HPGD: variants seen among roughly 807,000 people sequenced by gnomAD.
The protein encoded by HPGD is 15-hydroxyprostaglandin dehydrogenase.
In HPGD, 29 loss-of-function variants were observed where a neutral mutation model predicts 30.0. The ratio of observed to expected loss-of-function variants is 0.97; its 90% CI spans 0.72 to 1.32. The LOEUF (loss-of-function observed/expected upper bound fraction) is 1.32. Ranked by LOEUF, HPGD falls within the 40% of genes most tolerant of loss-of-function variation. The pLI, the probability that HPGD is intolerant of heterozygous loss-of-function variation, is 0.00. For synonymous variants in HPGD, 99 were observed against 112.4 expected, an observed-to-expected ratio of 0.88 and a Z score of 0.75; for missense variants, 340 against 322.1, an observed-to-expected ratio of 1.06 and a Z score of -0.43.
In HPGD at chr4:174,493,225, T is replaced by C. The variant is rs1734427642; in HGVS notation, c.588A>G (p.Lys196=). The C allele has an allele frequency of 3.1e-6, 5 of 1,611,818 alleles. No individual in the cohort carries two copies. The highest frequency in any genetic ancestry group is 4.2e-6 in the Non-Finnish European group (5 of 1,178,258). The change falls in exon 6 of 7, where the codon AAA becomes AAG. Residue 196 remains lysine (K), a synonymous_variant. Coordinates refer to ENST00000296522, the MANE Select transcript of HPGD (RefSeq NM_000860.6). ...VNTAILESIE[K]EENMGQYIEY... Reference sequence around the variant, plus strand: ...CTATATATTGTCCCATGTTTTCTTCTTTTTCAATTGATTCAAGGATGGCTG... The same window carrying C: ...CTATATATTGTCCCATGTTTTCTTCCTTTTCAATTGATTCAAGGATGGCTG...
Position 174,492,214 on chromosome 4 carries a change from A to T in HPGD, c.663-120T>A. 1.1e-6 allele frequency: 1 copy of T among 882,888 alleles called. No individual in the cohort carries two copies. The highest frequency in any genetic ancestry group is 1.8e-6 in the Non-Finnish European group (1 of 544,006). 54.7% of individuals were successfully genotyped at this position (882,888 alleles called of 1,614,324 possible). On this transcript the variant is annotated intron_variant, in intron 6 of 6. Transcript: ENST00000296522. This position sits in a 1 kb window ranked among gnomAD's most constrained non-coding sequence, Gnocchi z 4.9. ...ATGTTATAGGGAAATGTGTGTCATT[A>T]AACTATTGCTACTTCCAATTTTTAT...
At position 174,492,454 on chromosome 4, in the gene HPGD, G is replaced by A. The variant is rs370533094; in HGVS notation, c.663-360C>T. On this transcript the variant is annotated intron_variant, in intron 6 of 6. Transcript: ENST00000296522. The surrounding 1 kb of genome is among the most constrained non-coding windows in gnomAD (Gnocchi z 4.9). ...GTAGATCTTAGACTTACCAGATATA[G>A]ATGTTATTAGTGTAGAAATATGATT... 1.1e-4 allele frequency among the ~76,000 whole-genome samples: 17 copies of A among 152,130 alleles called. No individual in the cohort carries two copies. The highest frequency in any genetic ancestry group is 4.1e-4 in the African/African-American group (17 of 41,556).
In HPGD at chr4:174,497,826, T is replaced by A. The variant is rs1198647619; in HGVS notation, c.422-2202A>T. 2.0e-5 allele frequency among the ~76,000 whole-genome samples: 3 copies of A among 152,096 alleles called. No individual in the cohort carries two copies. The East Asian group carries it at 5.8e-4, about 29-fold the overall frequency. On this transcript the variant is annotated intron_variant, in intron 4 of 6. Transcript: ENST00000296522. ...TTCCTGACCTCATGATCCACCTGCC[T>A]TGGCCTCCCAAAGTGCTGGGATTAC... is the stretch of plus-strand genomic sequence containing the variant.
intron 4 of HPGD, among the ~76,000 whole-genome samples, chr4:174,499,299 G>A (rs1476826663): frequency 6.6e-6 from 1 of 152,084 alleles, no homozygotes; most frequent in African/African-American, 2.4e-5. Flanking sequence ...CTGAGCAAAA[G>A]GACAGAATAA....
intron 3 of HPGD, among the ~76,000 whole-genome samples, chr4:174,514,215 A>T (rs1185328618): frequency 6.6e-6 from 1 of 152,166 alleles, no homozygotes; most frequent in Non-Finnish European, 1.5e-5. Context: ...ATTCACAGAC[A>T]GAATATCTCA....
chr4:174,502,591 T>C (rs1422891193), intron 4 of HPGD, among the ~76,000 whole-genome samples: 2 of 144,948 alleles, frequency 1.4e-5, no homozygotes, highest in African/African-American at 2.6e-5. Flanking sequence ...GGCAGGAGAA[T>C]GGCGTGAACC....
At position 174,522,070 on chromosome 4, in the gene HPGD, A is replaced by G; in HGVS notation, c.94-3T>C. 3 of 1,614,192 alleles carry G rather than the reference A, an allele frequency of 1.9e-6. No homozygotes were observed. In the South Asian group the frequency reaches 3.3e-5, roughly 18 times the overall value. ...AGATTCCAATCCACCAGCGCTACCT[A>G]TAGACAAGAGGAGAGGAATCGCGGG... On this transcript the variant is annotated splice_polypyrimidine_tract_variant and splice_region_variant and intron_variant, in intron 1 of 6. Coordinates refer to ENST00000296522, the MANE Select transcript of HPGD (RefSeq NM_000860.6).
At chr4:174,507,129 C>T (rs1735230049) in intron 4 of HPGD, 1 of 152,100 alleles carries the variant, frequency 6.6e-6, no homozygotes, top group African/African-American at 2.4e-5. Flanking sequence ...GGGTTTCAGT[C>T]TCCCACAGCT....
rs1734507729 is a variant in HPGD at position 174,494,852 on chromosome 4, C to T, written c.498+696G>A. The stretch of plus-strand genomic sequence containing the variant: ...TTATCACTCCTGCGTGTAAAAGCCC[C>T]ATGGATGGTTGCCCTTGAAATAAAA... On this transcript the variant is annotated intron_variant, in intron 5 of 6. Transcript: ENST00000296522. The surrounding 1 kb of genome is among the most constrained non-coding windows in gnomAD (Gnocchi z 4.9). Among the ~76,000 whole-genome samples the T allele has an allele frequency of 6.6e-6, 1 of 152,102 alleles. No individual in the cohort carries two copies. The highest frequency in any genetic ancestry group is 2.1e-4 in the South Asian group (1 of 4,830).
Position 174,491,978 on chromosome 4 carries a change from G to A in HPGD, c.779C>T (p.Pro260Leu), listed in dbSNP as rs745369724. 1.2e-6 allele frequency: 2 copies of A among 1,612,116 alleles called. No homozygotes were observed. Among genetic ancestry groups the A allele is most frequent in the East Asian group, 2.2e-5 (1 of 44,696 alleles). Residue 260 changes from proline (P) to leucine (L), a missense_variant, in exon 7 of 7, where the codon CCA (proline) becomes CTA (leucine). Physicochemically the swap from Pro to Leu is moderately conservative, Grantham distance 98. Transcript: ENST00000296522. ...GIHFQDYDTT[P>L]FQAKTQ is the part of the protein sequence containing the mutation. ...TGTTCATTGGGTTTTTGCTTGAAAT[G>A]GAGTTGTATCATAGTCTTGAAAATG...
chr4:174,508,486 A>G (rs1453568411), intron 4 of HPGD, among the ~76,000 whole-genome samples: 1 of 152,172 alleles, frequency 6.6e-6, no homozygotes, highest in Non-Finnish European at 1.5e-5. Flanking sequence ...CTGCAGTAAG[A>G]TAACTTTAAA....
chr4:174,498,940 G>C (rs1465396680), intron 4 of HPGD, among the ~76,000 whole-genome samples: 2 of 152,110 alleles, frequency 1.3e-5, no homozygotes, highest in East Asian at 3.9e-4. Flanking sequence ...TTAGTTGGGG[G>C]TGGACATTTT....
chr4:174,521,808 G>A, intron 2 of HPGD, 136 bp downstream of exon 2: 1 of 997,078 alleles, frequency 1.0e-6, no homozygotes. Context: ...AGTCCAAACT[G>A]TCTTTTGGAG....
At chr4:174,506,446 T>C (rs1353788847) in intron 4 of HPGD, among the ~76,000 whole-genome samples, 1 of 152,152 alleles carries the variant, frequency 6.6e-6, no homozygotes. Context: ...AATGCATAGA[T>C]ATTAGAGATA....
At chr4:174,514,390 T>C (rs2110857321) in intron 3 of HPGD, among the ~76,000 whole-genome samples, 1 of 152,230 alleles carries the variant, frequency 6.6e-6, no homozygotes, top group Admixed American at 6.5e-5. Flanking sequence ...TCAAATATAA[T>C]GAAAGAGGTA....
At chr4:174,498,367 A>G (rs573917124) in intron 4 of HPGD, among the ~76,000 whole-genome samples, 1 of 152,230 alleles carries the variant, frequency 6.6e-6, no homozygotes, top group South Asian at 2.1e-4. Flanking sequence ...ATACAATAAA[A>G]CTGCACGTAT....
intron 4 of HPGD, among the ~76,000 whole-genome samples, chr4:174,502,522 C>A (rs563667997): frequency 1.3e-4 from 20 of 151,964 alleles, no homozygotes; most frequent in Middle Eastern, 3.4e-3. Context: ...ACTAAAAATA[C>A]AAAAAATTAG....
Position 174,522,386 on chromosome 4 carries a change from T to C in HPGD, c.66A>G (p.Ala22=), listed in dbSNP as rs754511308. ...GAAQGIGRAF[A]EALLLKGAKV... ...TGGCGCCCTTAAGCAGCAGCGCCTC[T>C]GCAAAGGCTCTGCCTATGCCCTGAG... is the stretch of plus-strand genomic sequence containing the variant. Residue 22 remains alanine (A), a synonymous_variant, in exon 1 of 7, where the codon GCA becomes GCG. Coordinates refer to ENST00000296522, the MANE Select transcript of HPGD (RefSeq NM_000860.6). 1 of 1,576,624 alleles carries C rather than the reference T, an allele frequency of 6.3e-7. No homozygotes were observed. The highest frequency in any genetic ancestry group is 8.6e-7 in the Non-Finnish European group (1 of 1,161,546).
chr4:174,508,825 C>T (rs1431179013), intron 3 of HPGD, 33 bp from the exon 4 acceptor site: 6 of 1,112,678 alleles, frequency 5.4e-6, no homozygotes, highest in Non-Finnish European at 6.9e-6. Flanking sequence ...AAAAGGAATA[C>T]AGTCATTATC....
Sources: gnomAD v4.1 joint callset for allele counts (sites outside exome capture counted in the v4.1 genomes callset) on GRCh38, gnomAD v4.1.1 for gene constraint, Gnocchi (gnomAD v3.1) non-coding constraint, MANE v1.5 for transcripts, NCBI Gene and HGNC (gene_info 2026-07-23, HGNC 2026-07-21) for gene names.